PTPN4: variants seen among roughly 807,000 people sequenced by gnomAD.
The protein encoded by PTPN4 is tyrosine-protein phosphatase non-receptor type 4.
PTPN4 carries 49 observed loss-of-function variants against 135.5 expected under a neutral mutation model. That is an observed-to-expected ratio of 0.36 (90% CI 0.29 to 0.46). The LOEUF (loss-of-function observed/expected upper bound fraction) is 0.46, where lower values mean the gene tolerates loss of function less well. Among genes scored for constraint, PTPN4 ranks in the 20% least tolerant of loss-of-function variants. PTPN4 has a pLI of 1.00. For synonymous variants in PTPN4, 333 were observed against 369.9 expected, an observed-to-expected ratio of 0.90 and a Z score of 1.14; for missense variants, 860 against 1,101.0, an observed-to-expected ratio of 0.78 and a Z score of 3.10.
intron 18 of PTPN4, among the ~76,000 whole-genome samples, chr2:119,950,892 T>C (rs1455144654): frequency 6.6e-6 from 1 of 152,222 alleles, no homozygotes; most frequent in Non-Finnish European, 1.5e-5. Flanking sequence ...AAATTATGGT[T>C]GTTCCCATGA....
At chr2:119,962,970 A>G (rs1200851700) in intron 24 of PTPN4, among the ~76,000 whole-genome samples, 5 of 152,154 alleles carry the variant, frequency 3.3e-5, no homozygotes, top group Non-Finnish European at 7.3e-5. Flanking sequence ...ATGAATGGTC[A>G]GTGAAAAAGT....
intron 1 of PTPN4, among the ~76,000 whole-genome samples, chr2:119,803,275 G>A (rs530749694): frequency 6.6e-6 from 1 of 152,076 alleles, no homozygotes; most frequent in African/African-American, 2.4e-5. Context: ...TTAGATTACT[G>A]ATTTGAGACA....
intron 2 of PTPN4, among the ~76,000 whole-genome samples, chr2:119,820,630 A>G (rs3106246): frequency 0.38 from 58,503 of 152,008 alleles, 12,763 homozygotes; most frequent in African/African-American, 0.6. Flanking sequence ...AAGAAATTGC[A>G]TCTTATCTTT....
intron 5 of PTPN4, among the ~76,000 whole-genome samples, chr2:119,877,892 G>A (rs1273219683): frequency 7.9e-6 from 1 of 127,068 alleles, no homozygotes; most frequent in Non-Finnish European, 1.7e-5. Context: ...GAGAAATTTG[G>A]GTTTTTTTTT....
chr2:119,823,484 C>T (rs921936213), intron 2 of PTPN4, among the ~76,000 whole-genome samples: 3 of 152,192 alleles, frequency 2.0e-5, no homozygotes, highest in Non-Finnish European at 2.9e-5. Flanking sequence ...CCACCCGCCT[C>T]GGCCTCCTAA....
In PTPN4 at chr2:119,956,924, T is replaced by C. The variant is rs1370176723; in HGVS notation, c.2061T>C (p.Asp687=). The C allele has an allele frequency of 4.3e-6, 7 of 1,610,154 alleles. No homozygotes were observed. The highest frequency in any genetic ancestry group is 5.9e-6 in the Non-Finnish European group (7 of 1,179,208). Residue 687 remains aspartate, a synonymous_variant, in exon 21 of 27, where the codon GAT becomes GAC. Transcript: ENST00000263708. ...ATATTTCCAAAAATAGATACAGAGA[T>C]ATTTCGCCTTGTAAGTATCTTATTG... The part of the protein sequence containing the change: ...PQNISKNRYR[D]ISPYDATRVI...
intron 12 of PTPN4, among the ~76,000 whole-genome samples, chr2:119,924,600 A>G (rs1678792962): frequency 6.6e-6 from 1 of 152,196 alleles, no homozygotes; most frequent in Non-Finnish European, 1.5e-5. Context: ...TCTTACTGTG[A>G]AAGTTTAGTG....
intron 12 of PTPN4, among the ~76,000 whole-genome samples, chr2:119,924,943 GAGAAAAAAACAAGA>G (rs1678798593): frequency 6.6e-6 from 1 of 152,178 alleles, no homozygotes; most frequent in Non-Finnish European, 1.5e-5. Flanking sequence ...CATGGTTATG[GAGAAAAAAACAAGA>G]AGAAGGGGTA....
chr2:119,895,005 A>G (rs1355335990), intron 9 of PTPN4, among the ~76,000 whole-genome samples: 1 of 152,222 alleles, frequency 6.6e-6, no homozygotes, highest in Non-Finnish European at 1.5e-5. Context: ...CACTTCCATT[A>G]CTGAAACTCC....
At chr2:119,831,723 C>A (rs911830443) in intron 2 of PTPN4, among the ~76,000 whole-genome samples, 6 of 152,168 alleles carry the variant, frequency 3.9e-5, no homozygotes, top group Non-Finnish European at 7.4e-5. Context: ...CATTTACCTT[C>A]AATCTACCTA....
intron 1 of PTPN4, among the ~76,000 whole-genome samples, chr2:119,799,675 C>G (rs1365926505): frequency 6.6e-6 from 1 of 152,126 alleles, no homozygotes; most frequent in South Asian, 2.1e-4. Flanking sequence ...CTTCTTGGAA[C>G]TGAAAGAATA....
At chr2:119,914,147 G>GT (rs1678613830) in intron 10 of PTPN4, among the ~76,000 whole-genome samples, 1 of 147,440 alleles carries the variant, frequency 6.8e-6, no homozygotes, top group Non-Finnish European at 1.5e-5. Flanking sequence ...AATGAACAGT[G>GT]TTTTTTGTTG....
chr2:119,856,547 C>A (rs943399137), intron 2 of PTPN4, among the ~76,000 whole-genome samples: 1 of 152,136 alleles, frequency 6.6e-6, no homozygotes, highest in East Asian at 1.9e-4. Flanking sequence ...GGGAATCCTA[C>A]GATGATGAGT....
rs187188600 is a variant in PTPN4, at chr2:119,869,690, C to G, written c.246+7047C>G. Reference sequence around the variant, plus strand: ...TTGCTAATATATATCTCAGCCCTTGCAGTTTTTGTTTTTCAAGAGTAGACT... The same window carrying G: ...TTGCTAATATATATCTCAGCCCTTGGAGTTTTTGTTTTTCAAGAGTAGACT... On this transcript the variant is annotated intron_variant, in intron 3 of 26. Coordinates refer to ENST00000263708, the MANE Select transcript of PTPN4 (RefSeq NM_002830.4). Among the ~76,000 whole-genome samples, 416 of 152,284 alleles carry G rather than the reference C, an allele frequency of 2.7e-3. 1 individual carries two copies. Among genetic ancestry groups the G allele is most frequent in the Non-Finnish European group, 4.0e-3 (275 of 68,024 alleles).
At chr2:119,774,144 T>C (rs1477744513) in intron 1 of PTPN4, among the ~76,000 whole-genome samples, 1 of 152,224 alleles carries the variant, frequency 6.6e-6, no homozygotes, top group African/African-American at 2.4e-5. Flanking sequence ...CTTGAGTATT[T>C]TTTAGCTATG....
At chr2:119,845,696 G>C (rs1374477111) in intron 2 of PTPN4, among the ~76,000 whole-genome samples, 1 of 151,728 alleles carries the variant, frequency 6.6e-6, no homozygotes. Flanking sequence ...TTTCTTTATT[G>C]TTTTTTAATT....
chr2:119,822,710 GT>G (rs1677088664), intron 2 of PTPN4, among the ~76,000 whole-genome samples: 1 of 152,032 alleles, frequency 6.6e-6, no homozygotes, highest in Non-Finnish European at 1.5e-5. Flanking sequence ...TGTTCTTGTG[GT>G]TTTTATGTTT....
intron 10 of PTPN4, among the ~76,000 whole-genome samples, chr2:119,903,456 G>A (rs141168225): frequency 9.9e-5 from 15 of 152,000 alleles, no homozygotes; most frequent in East Asian, 1.9e-4. Flanking sequence ...GGGCCCTCAC[G>A]TGACATCCAA....
chr2:119,899,343 A>G (rs1007991372), intron 9 of PTPN4, among the ~76,000 whole-genome samples: 19 of 152,036 alleles, frequency 1.2e-4, no homozygotes, highest in African/African-American at 4.6e-4. Context: ...TAATTATTTT[A>G]TCTATGGTAA....
Sources: allele counts gnomAD v4.1 joint callset (sites outside exome capture counted in the v4.1 genomes callset), GRCh38; gene constraint gnomAD v4.1.1; transcripts MANE v1.5; gene names NCBI Gene and HGNC (gene_info 2026-07-23, HGNC 2026-07-21).